SLC12A2: variants seen among roughly 807,000 people sequenced by gnomAD.
SLC12A2 encodes the protein solute carrier family 12 member 2.
Under a neutral mutation model 136.3 loss-of-function variants are expected in SLC12A2, and 67 were observed. The ratio of observed to expected loss-of-function variants is 0.49; its 90% confidence interval spans 0.40 to 0.60. The LOEUF is 0.60. Ranked by LOEUF, SLC12A2 falls within the 20% of genes least tolerant of loss-of-function variation. The probability of loss-of-function intolerance (pLI) is 0.00; values close to 1 mark genes in which losing one functional copy is unlikely to be tolerated. For missense variants in SLC12A2, 1,322 were observed against 1,534.7 expected, an observed-to-expected ratio of 0.86 and a Z score of 2.32; for synonymous variants, 619 against 562.9, an observed-to-expected ratio of 1.10 and a Z score of -1.41.
intron 2 of SLC12A2, 104 bp from the exon 3 acceptor site, chr5:128,114,108 C>A: frequency 1.3e-6 from 1 of 791,694 alleles, no homozygotes. Context: ...TACATATCTT[C>A]TGTAGTTTCA....
intron 1 of SLC12A2, among the ~76,000 whole-genome samples, chr5:128,089,723 G>A (rs974643213): frequency 1.3e-5 from 2 of 152,170 alleles, no homozygotes; most frequent in Non-Finnish European, 2.9e-5. Context: ...ATTTGTTCAT[G>A]GAATGTACAA....
At chr5:128,139,471 C>G (rs1267070663) in intron 9 of SLC12A2, among the ~76,000 whole-genome samples, 1 of 152,150 alleles carries the variant, frequency 6.6e-6, no homozygotes, top group Non-Finnish European at 1.5e-5. Context: ...GGATCAACTT[C>G]ATGGTTACTT....
intron 18 of SLC12A2, chr5:128,169,832 A>G (rs1227506189): frequency 6.6e-6 from 1 of 152,220 alleles, no homozygotes; most frequent in Non-Finnish European, 1.5e-5. Flanking sequence ...TCATAATGGA[A>G]CACTGGAAGG....
chr5:128,093,957 C>T (rs2126643578), intron 1 of SLC12A2, among the ~76,000 whole-genome samples: 1 of 152,148 alleles, frequency 6.6e-6, no homozygotes, highest in East Asian at 1.9e-4. Flanking sequence ...GGTCACGTGG[C>T]CTTTGTACAT....
intron 10 of SLC12A2, among the ~76,000 whole-genome samples, chr5:128,144,728 G>A (rs1009337201): frequency 6.6e-6 from 1 of 151,964 alleles, no homozygotes; most frequent in Non-Finnish European, 1.5e-5. Context: ...TTTTGCTTTA[G>A]TCATTGCTTC....
intron 1 of SLC12A2, among the ~76,000 whole-genome samples, chr5:128,090,728 TGCAGA>T (rs1760279559): frequency 6.6e-6 from 1 of 152,112 alleles, no homozygotes; most frequent in Non-Finnish European, 1.5e-5. Flanking sequence ...GTGACCCCCA[TGCAGA>T]TACCAGGGAA....
chr5:128,110,602 G>A (rs985285670), intron 1 of SLC12A2: 11 of 1,078,364 alleles, frequency 1.0e-5, no homozygotes, highest in Non-Finnish European at 1.6e-5. Context: ...TGGCATCGTA[G>A]CAGCTTATCA....
intron 5 of SLC12A2, among the ~76,000 whole-genome samples, chr5:128,133,506 A>G (rs185002989): frequency 2.0e-5 from 3 of 152,258 alleles, no homozygotes; most frequent in Admixed American, 6.5e-5. Flanking sequence ...ACTTTAGTCA[A>G]TTGCACAGAA....
chr5:128,136,176 G>A (rs1762185706), intron 7 of SLC12A2, among the ~76,000 whole-genome samples: 1 of 152,124 alleles, frequency 6.6e-6, no homozygotes, highest in Non-Finnish European at 1.5e-5. Context: ...AAGCGCCTAA[G>A]ATTGTGAAAG....
At chr5:128,094,841 A>G (rs193155745) in intron 1 of SLC12A2, among the ~76,000 whole-genome samples, 6 of 152,270 alleles carry the variant, frequency 3.9e-5, no homozygotes, top group Non-Finnish European at 5.9e-5. Flanking sequence ...ACTTTAAATT[A>G]ACATTGTGTT....
intron 1 of SLC12A2, among the ~76,000 whole-genome samples, chr5:128,088,073 A>G (rs1253766772): frequency 6.6e-6 from 1 of 150,834 alleles, no homozygotes. Context: ...ATATATATTT[A>G]CATATAAAGA....
intron 24 of SLC12A2, among the ~76,000 whole-genome samples, chr5:128,183,680 C>T (rs973300470): frequency 6.6e-5 from 10 of 151,930 alleles, no homozygotes; most frequent in African/African-American, 2.4e-4. Context: ...AGTGTCTGCC[C>T]TTTTCCCCTT....
intron 16 of SLC12A2, among the ~76,000 whole-genome samples, chr5:128,159,071 T>C (rs1762953271): frequency 6.6e-6 from 1 of 152,106 alleles, no homozygotes; most frequent in Non-Finnish European, 1.5e-5. Flanking sequence ...AGTAGCATTT[T>C]TAAACAGTTA....
At chr5:128,114,483 A>G (rs991777351) in intron 3 of SLC12A2, 103 bp from the exon 4 acceptor site, 25 of 870,438 alleles carry the variant, frequency 2.9e-5, no homozygotes, top group Non-Finnish European at 4.4e-5. Flanking sequence ...GGTAATTTAT[A>G]ACTTAAAATG....
intron 13 of SLC12A2, 92 bp from the exon 14 acceptor site, chr5:128,151,149 A>G (rs888326478): frequency 5.3e-6 from 6 of 1,123,542 alleles, no homozygotes; most frequent in Middle Eastern, 2.2e-4. Context: ...CAGTGTGGCA[A>G]CCATAAAGAA....
chr5:128,182,655 C>T (rs1763740753), intron 23 of SLC12A2, among the ~76,000 whole-genome samples, 200 bp from the exon 24 acceptor site: 1 of 152,066 alleles, frequency 6.6e-6, no homozygotes, highest in Non-Finnish European at 1.5e-5. Flanking sequence ...AAGTAAAATA[C>T]TCAGTGATTA....
At chr5:128,148,914 G>T in intron 12 of SLC12A2, 37 bp downstream of exon 12, 1 of 1,516,934 alleles carries the variant, frequency 6.6e-7, no homozygotes, top group Non-Finnish European at 8.9e-7. Flanking sequence ...GTAGATTTTT[G>T]GTGCATATTA....
At chr5:128,146,714 T>C (rs890075633) in intron 10 of SLC12A2, among the ~76,000 whole-genome samples, 7 of 151,742 alleles carry the variant, frequency 4.6e-5, no homozygotes, top group African/African-American at 1.2e-4. Context: ...CCCTAGACTT[T>C]ATATCATATC....
intron 4 of SLC12A2, among the ~76,000 whole-genome samples, chr5:128,122,766 A>T (rs574777348): frequency 1.4e-4 from 22 of 152,172 alleles, no homozygotes; most frequent in African/African-American, 4.6e-4. Flanking sequence ...TGATTGTCAA[A>T]TTTTTTTGTT....
Sources: allele counts gnomAD v4.1 joint callset (sites outside exome capture counted in the v4.1 genomes callset), GRCh38; gene constraint gnomAD v4.1.1; transcripts MANE v1.5; gene names NCBI Gene and HGNC (gene_info 2026-07-23, HGNC 2026-07-21).